MACROD2: variants seen among roughly 807,000 people sequenced by gnomAD.
MACROD2 encodes the protein ADP-ribose glycohydrolase MACROD2.
Under a neutral mutation model 70.4 loss-of-function variants are expected in MACROD2, and 36 were observed. The observed-to-expected ratio is 0.51, with a 90% CI of 0.39 to 0.68. The LOEUF is 0.68. Among genes scored for constraint, MACROD2 ranks in the 30% least tolerant of loss-of-function variants. The pLI, the probability that MACROD2 is intolerant of heterozygous loss-of-function variation, is 0.00. For missense variants in MACROD2, 496 were observed against 538.4 expected (o/e 0.92, Z 0.78); for synonymous variants, 172 against 178.8 (o/e 0.96, Z 0.30).
intron 6 of MACROD2, among the ~76,000 whole-genome samples, chr20:15,419,386 G>T (rs1019613576): frequency 6.6e-6 from 1 of 152,122 alleles, no homozygotes; most frequent in Non-Finnish European, 1.5e-5. Context: ...TTGCTGTGAG[G>T]GGGGCGTATC....
intron 4 of MACROD2, among the ~76,000 whole-genome samples, chr20:14,639,984 C>T (rs991733496): frequency 6.6e-5 from 10 of 152,076 alleles, no homozygotes; most frequent in African/African-American, 2.2e-4. Context: ...CACCTCCAGA[C>T]CATAGTAGGG....
rs1555783307 is a variant in MACROD2 at position 15,818,868 on chromosome 20, C to CGAACTGT, written c.646-43875_646-43869dup. Among the ~76,000 whole-genome samples, 8 of 152,220 alleles carry CGAACTGT rather than the reference C, an allele frequency of 5.3e-5. No individual in the cohort carries two copies. In the East Asian group the frequency reaches 1.5e-3, roughly 29 times the overall value. On this transcript the variant is annotated intron_variant, in intron 8 of 17. Transcript: ENST00000684519. ...GTTTGTTTCTCTCACCAAGAAGTCACGAACTGTGGCTTTTTTTGGTTATGC... is the reference window on the plus strand; with the variant it reads ...GTTTGTTTCTCTCACCAAGAAGTCACGAACTGTGAACTGTGGCTTTTTTTGGTTATGC...
At chr20:14,403,289 A>C (rs1027291385) in intron 3 of MACROD2, among the ~76,000 whole-genome samples, 1 of 152,146 alleles carries the variant, frequency 6.6e-6, no homozygotes, top group African/African-American at 2.4e-5. Context: ...ATTAAGGAAA[A>C]AGCCAAGTAC....
rs1355684592 is a variant in MACROD2, at chr20:15,340,188, G to C, written c.541-91217G>C. On this transcript the variant is annotated intron_variant, in intron 6 of 17. Transcript: ENST00000684519. Reference sequence around the variant, plus strand: ...GAGTCTGGCTCTGTCACCCAGGCTGGAGTGCAGTGGCATGATCTCGGCTCA... The same window carrying C: ...GAGTCTGGCTCTGTCACCCAGGCTGCAGTGCAGTGGCATGATCTCGGCTCA... 1.4e-4 allele frequency among the ~76,000 whole-genome samples: 19 copies of C among 133,036 alleles called. No homozygotes were observed. The Admixed American group carries it at 1.6e-3, about 11-fold the overall frequency. The allele number at this position is 133,036 out of a possible 152,430, so 87.3% of individuals were successfully genotyped here. A position where few individuals can be genotyped will look rare whatever the true frequency, so the allele number is the denominator to read the frequency against.
At chr20:14,316,123 C>T (rs893588785) in intron 3 of MACROD2, among the ~76,000 whole-genome samples, 1 of 152,174 alleles carries the variant, frequency 6.6e-6, no homozygotes, top group Non-Finnish European at 1.5e-5. Flanking sequence ...TAAGAAGATG[C>T]AATGGGATCA....
At chr20:15,527,093 C>T (rs931222744) in intron 8 of MACROD2, among the ~76,000 whole-genome samples, 1 of 152,146 alleles carries the variant, frequency 6.6e-6, no homozygotes, top group Non-Finnish European at 1.5e-5. Flanking sequence ...AGCTTTCCCT[C>T]CCCTTGTCTG....
intron 3 of MACROD2, among the ~76,000 whole-genome samples, chr20:14,367,490 T>G (rs184585848): frequency 6.6e-6 from 1 of 152,324 alleles, no homozygotes; most frequent in African/African-American, 2.4e-5. Flanking sequence ...GCTTTTTGTG[T>G]TGGTTTTCCT....
chr20:14,683,776 G>GGA (rs2070964423), intron 4 of MACROD2, among the ~76,000 whole-genome samples: 2 of 152,104 alleles, frequency 1.3e-5, no homozygotes, highest in African/African-American at 2.4e-5. Flanking sequence ...ACTGTGGAGA[G>GGA]GAGAAGTCTT....
chr20:14,513,665 A>T (rs1025618155), intron 4 of MACROD2, among the ~76,000 whole-genome samples: 1 of 152,096 alleles, frequency 6.6e-6, no homozygotes, highest in African/African-American at 2.4e-5. Context: ...AAGAATACAT[A>T]AAAAAACTCA....
chr20:14,715,165 C>T (rs943626986), intron 5 of MACROD2, among the ~76,000 whole-genome samples: 1 of 152,030 alleles, frequency 6.6e-6, no homozygotes, highest in Non-Finnish European at 1.5e-5. Flanking sequence ...CTCATGGTGG[C>T]GGCAAGAAGA....
chr20:14,796,707 A>T (rs143611279), intron 5 of MACROD2, among the ~76,000 whole-genome samples: 1 of 152,058 alleles, frequency 6.6e-6, no homozygotes, highest in East Asian at 1.9e-4. Context: ...ATTCTCACAT[A>T]CATAACTTTG....
intron 3 of MACROD2, among the ~76,000 whole-genome samples, chr20:14,386,201 G>C (rs959993301): frequency 6.6e-6 from 1 of 152,090 alleles, no homozygotes; most frequent in African/African-American, 2.4e-5. Context: ...AGGAAGTGGT[G>C]GTTTAATGAT....
intron 8 of MACROD2, among the ~76,000 whole-genome samples, chr20:15,858,327 C>T (rs1161210905): frequency 6.6e-6 from 1 of 152,124 alleles, no homozygotes; most frequent in African/African-American, 2.4e-5. Flanking sequence ...AATAGCGAGG[C>T]ATTCTTATAG....
chr20:14,484,618 C>G (rs565275255), intron 3 of MACROD2, among the ~76,000 whole-genome samples: 1 of 151,812 alleles, frequency 6.6e-6, no homozygotes, highest in South Asian at 2.1e-4. Context: ...TGGTAACCAC[C>G]CTTCTTTTCT....
intron 3 of MACROD2, among the ~76,000 whole-genome samples, chr20:14,096,938 A>G (rs983221788): frequency 3.3e-5 from 5 of 152,136 alleles, no homozygotes; most frequent in Admixed American, 6.6e-5. Context: ...TTACATTTTC[A>G]TGATTGCTTC....
At chr20:16,042,217 C>A (rs1322224669) in intron 16 of MACROD2, among the ~76,000 whole-genome samples, 2 of 151,936 alleles carry the variant, frequency 1.3e-5, no homozygotes, top group African/African-American at 4.8e-5. Flanking sequence ...CTTATATTGC[C>A]CAAATTGGCT....
At position 14,332,033 on chromosome 20, in the gene MACROD2, T is replaced by C. The variant is rs530079816; in HGVS notation, c.272-161446T>C. ...GAGGAAAACATAAATGAAGCCCTGG[T>C]AACTTAATGGAATGTTTAAAAACAT... On this transcript the variant is annotated intron_variant, in intron 3 of 17. Coordinates refer to ENST00000684519, the MANE Select transcript of MACROD2 (RefSeq NM_001351661.2). Among the ~76,000 whole-genome samples, 19 of 152,254 alleles carry C rather than the reference T, an allele frequency of 1.2e-4. No homozygotes were observed. The East Asian group carries it at 3.7e-3, about 29-fold the overall frequency.
At position 15,980,578 on chromosome 20, in the gene MACROD2, G is replaced by A. The variant is rs188598189; in HGVS notation, c.986-6149G>A. Among the ~76,000 whole-genome samples, 258 of 152,236 alleles carry A rather than the reference G, an allele frequency of 1.7e-3. 1 individual carries two copies. Among genetic ancestry groups the A allele is most frequent in the Non-Finnish European group, 2.4e-3 (161 of 68,004 alleles). ...ATTACTATTATAACTCCTATTATAA[G>A]AGTTTTAAGTCCTCTTAGTGCTGGG... On this transcript the variant is annotated intron_variant, in intron 13 of 17. Transcript: ENST00000684519.
chr20:14,659,043 G>A (rs1293794369), intron 4 of MACROD2, among the ~76,000 whole-genome samples: 1 of 152,178 alleles, frequency 6.6e-6, no homozygotes, highest in Non-Finnish European at 1.5e-5. Flanking sequence ...CGGTAGGTCT[G>A]GGATGGATCT....
Sources: gnomAD v4.1 joint callset for allele counts (sites outside exome capture counted in the v4.1 genomes callset) on GRCh38, gnomAD v4.1.1 for gene constraint, MANE v1.5 for transcripts, NCBI Gene and HGNC (gene_info 2026-07-23, HGNC 2026-07-21) for gene names.